NRG3: variants seen among roughly 807,000 people sequenced by gnomAD.
The protein encoded by NRG3 is pro-neuregulin-3, membrane-bound isoform.
NRG3 carries 31 observed loss-of-function variants against 66.9 expected under a neutral mutation model. The ratio of observed to expected loss-of-function variants is 0.46; its 90% CI spans 0.35 to 0.63. The LOEUF is 0.63. Among genes scored for constraint, NRG3 ranks in the 20% least tolerant of loss-of-function variants. NRG3 has a pLI of 0.00. For synonymous variants in NRG3, 393 were observed against 359.4 expected, an observed-to-expected ratio of 1.09 and a Z score of -1.06; for missense variants, 910 against 878.9, an observed-to-expected ratio of 1.04 and a Z score of -0.45.
intron 5 of NRG3, 28 bp from the exon 6 acceptor site, chr10:82,958,921 A>G (rs17101139): frequency 0.071 from 109,256 of 1,528,730 alleles, 5,075 homozygotes; most frequent in African/African-American, 0.19. Context: ...TCATGCAAAT[A>G]TTTGTACACG....
intron 3 of NRG3, among the ~76,000 whole-genome samples, chr10:82,836,826 T>G (rs1172209212): frequency 6.6e-6 from 1 of 152,080 alleles, no homozygotes; most frequent in Non-Finnish European, 1.5e-5. Flanking sequence ...TGTGCCATGT[T>G]GGTGTGCAGC....
intron 1 of NRG3, among the ~76,000 whole-genome samples, chr10:82,176,906 A>ACACAC (rs1251109253): frequency 0.01 from 527 of 51,578 alleles, 4 homozygotes; most frequent in East Asian, 0.054. Flanking sequence ...CACACACACA[A>ACACAC]ACACACACAC....
chr10:82,959,033 A>G lies in NRG3; in HGVS notation c.1242A>G (p.Ala414=). Residue 414 remains alanine (A), a synonymous_variant, in exon 6 of 9, where the codon GCA becomes GCG. Transcript: ENST00000372141. The stretch of plus-strand genomic sequence containing the variant: ...GTCTCAAAGCATCCAGCACAATGGC[A>G]AAGTCAGAGAACTTGGTGAAGAGCC... The part of the protein sequence containing the change: ...SYSLKASSTM[A]KSENLVKSHV... The G allele has an allele frequency of 6.2e-7, 1 of 1,606,844 alleles. No homozygotes were observed.
chr10:82,918,865 G>A (rs996947628), intron 4 of NRG3, among the ~76,000 whole-genome samples: 2 of 152,304 alleles, frequency 1.3e-5, no homozygotes, highest in South Asian at 2.1e-4. Flanking sequence ...AGGAGCAACC[G>A]CATTTAGAAT....
At chr10:82,312,616 A>G (rs2134999006) in intron 1 of NRG3, among the ~76,000 whole-genome samples, 1 of 152,282 alleles carries the variant, frequency 6.6e-6, no homozygotes, top group East Asian at 1.9e-4. Context: ...ATTTGTTTTG[A>G]TTTTGTACTT....
intron 2 of NRG3, among the ~76,000 whole-genome samples, chr10:82,507,042 G>C (rs934411182): frequency 6.6e-6 from 1 of 152,158 alleles, no homozygotes; most frequent in Non-Finnish European, 1.5e-5. Flanking sequence ...TAATCGTGAG[G>C]TGAAAATTGT....
In NRG3 at chr10:82,986,329, A is replaced by G. The variant is rs1266700252; in HGVS notation, c.*724A>G. On this transcript the variant is annotated 3_prime_UTR_variant, in exon 9 of 9. Coordinates refer to ENST00000372141, the MANE Select transcript of NRG3 (RefSeq NM_001010848.4). ...GAAATGTTTTTCCTTGAGATTGTTT[A>G]GAGGCTCTGGAGGAGCGTTTCTCAG... The G allele has an allele frequency of 3.9e-5, 6 of 152,210 alleles. No homozygotes were observed. The highest frequency in any genetic ancestry group is 2.0e-4 in the Admixed American group (3 of 15,284). 9.4% of individuals were successfully genotyped at this position (152,210 alleles called of 1,614,324 possible). A position where few individuals can be genotyped will look rare whatever the true frequency, so the allele number is the denominator to read the frequency against.
chr10:82,143,285 T>C (rs1023321008), intron 1 of NRG3, among the ~76,000 whole-genome samples: 1 of 152,100 alleles, frequency 6.6e-6, no homozygotes, highest in Non-Finnish European at 1.5e-5. Flanking sequence ...AAGTTGAGGA[T>C]AATAAGATGA....
intron 2 of NRG3, among the ~76,000 whole-genome samples, chr10:82,404,258 T>G (rs1218208883): frequency 6.6e-6 from 1 of 152,090 alleles, no homozygotes; most frequent in Non-Finnish European, 1.5e-5. Flanking sequence ...TCGGGATGGT[T>G]TTTCTTGGTA....
intron 1 of NRG3, among the ~76,000 whole-genome samples, chr10:82,252,438 A>G (rs1296896246): frequency 6.6e-6 from 1 of 152,196 alleles, no homozygotes; most frequent in Admixed American, 6.5e-5. Context: ...AGGCATTGGA[A>G]AAGTTCAGTT....
At chr10:82,600,296 T>C (rs770425824) in intron 2 of NRG3, among the ~76,000 whole-genome samples, 2 of 152,176 alleles carry the variant, frequency 1.3e-5, no homozygotes, top group Non-Finnish European at 2.9e-5. Context: ...TTTTATCTTA[T>C]TGACGACACA....
At position 82,515,291 on chromosome 10, in the gene NRG3, A is replaced by T. The variant is rs552624386; in HGVS notation, c.953+156423A>T. 7.2e-5 allele frequency among the ~76,000 whole-genome samples: 11 copies of T among 152,272 alleles called. No individual in the cohort carries two copies. In the South Asian group the frequency reaches 2.3e-3, roughly 32 times the overall value. ...CACGCACAAAATAAACACCCAAGGA[A>T]CCTTATTTAAATTATCATTCTTGAG... On this transcript the variant is annotated intron_variant, in intron 2 of 8. Transcript: ENST00000372141.
intron 1 of NRG3, among the ~76,000 whole-genome samples, chr10:81,978,135 C>G (rs1407160194): frequency 6.6e-6 from 1 of 152,140 alleles, no homozygotes; most frequent in Non-Finnish European, 1.5e-5. Flanking sequence ...TCTTATGTAG[C>G]TGTAATTGTG....
intron 1 of NRG3, among the ~76,000 whole-genome samples, chr10:82,169,309 GCTAT>G (rs990287326): frequency 9.9e-5 from 15 of 151,826 alleles, no homozygotes; most frequent in Non-Finnish European, 2.9e-5. Context: ...TTCAAGAGTG[GCTAT>G]CTTTTAGGAT....
chr10:82,613,433 A>G lies in NRG3; in HGVS notation c.954-125144A>G, dbSNP rs540752300. 3.9e-3 allele frequency among the ~76,000 whole-genome samples: 584 copies of G among 151,560 alleles called. 2 individuals carry two copies. Among genetic ancestry groups the G allele is most frequent in the Admixed American group, 0.011 (170 of 15,228 alleles). ...TCTTATTATTTTAAAAAAAATAATT[A>G]ATTAATTAATTATTTATTTTTTCCA... On this transcript the variant is annotated intron_variant, in intron 2 of 8. Transcript: ENST00000372141.
chr10:82,551,586 T>C (rs2044307965), intron 2 of NRG3, among the ~76,000 whole-genome samples: 1 of 144,542 alleles, frequency 6.9e-6, no homozygotes, highest in South Asian at 2.1e-4. Flanking sequence ...TCTAAGTTTT[T>C]ATTTTTATTT....
At chr10:82,815,749 C>T (rs776505173) in intron 3 of NRG3, among the ~76,000 whole-genome samples, 9 of 152,104 alleles carry the variant, frequency 5.9e-5, no homozygotes, top group Non-Finnish European at 8.8e-5. Flanking sequence ...GGGCTTATTC[C>T]GCCCACTTCA....
intron 1 of NRG3, among the ~76,000 whole-genome samples, chr10:82,204,839 C>G (rs1394542698): frequency 6.6e-6 from 1 of 152,152 alleles, no homozygotes; most frequent in East Asian, 1.9e-4. Flanking sequence ...TCTTGTGATG[C>G]TATCATTTTA....
chr10:82,794,814 A>G (rs2060729901), intron 3 of NRG3, among the ~76,000 whole-genome samples: 2 of 152,132 alleles, frequency 1.3e-5, no homozygotes, highest in Admixed American at 6.5e-5. Context: ...ATCGATCTAC[A>G]CTCTAACTCT....
Sources: gnomAD v4.1 joint callset for allele counts (sites outside exome capture counted in the v4.1 genomes callset) on GRCh38, gnomAD v4.1.1 for gene constraint, MANE v1.5 for transcripts, NCBI Gene and HGNC (gene_info 2026-07-23, HGNC 2026-07-21) for gene names.